Variants in MYH6 observed in about 807,000 individuals in gnomAD.
MYH6 encodes the protein myosin-6.
MYH6 carries 126 observed loss-of-function variants against 223.2 expected under a neutral mutation model. The ratio of observed to expected loss-of-function variants is 0.56; its 90% CI spans 0.49 to 0.65. MYH6 has a LOEUF of 0.65. Ranked by LOEUF, MYH6 falls within the 30% of genes least tolerant of loss-of-function variation. The pLI, the probability that MYH6 is intolerant of heterozygous loss-of-function variation, is 0.00. For missense variants in MYH6, 2,040 were observed against 2,536.4 expected (o/e 0.80, Z 4.20); for synonymous variants, 978 against 1,010.2 (o/e 0.97, Z 0.61).
intron 34 of MYH6, 99 bp from the exon 35 acceptor site, chr14:23,385,140 T>C: frequency 6.6e-7 from 1 of 1,524,560 alleles, no homozygotes; most frequent in Non-Finnish European, 9.0e-7. Flanking sequence ...TCATTTTTTT[T>C]TTAAAACAAC....
Position 23,396,415 on chromosome 14 carries a change from G to C in MYH6, c.2298C>G (p.Phe766Leu), listed in dbSNP as rs1891396940. ...GCAGCCCAAGCAGCCCTGCCTTGAA[G>C]AACACCTGCAGGCAAGGGGTAGATG... ...NQYKFGHTKV[F>L]FKAGLLGLLE... Residue 766 changes from phenylalanine to leucine, a missense_variant, in exon 20 of 39, where the codon TTC (phenylalanine) becomes TTG (leucine). This residue lies in a region of MYH6 where 649 missense variants were observed against 877.3 expected (regional missense o/e 0.74). Transcript: ENST00000405093. 1 of 1,613,686 alleles carries C rather than the reference G, an allele frequency of 6.2e-7. No homozygotes were observed. Among genetic ancestry groups the C allele is most frequent in the Non-Finnish European group, 8.5e-7 (1 of 1,180,038 alleles).
At position 23,390,438 on chromosome 14, in the gene MYH6, G is replaced by A. The variant is rs758421298; in HGVS notation, c.3351C>T (p.Ile1117=). The A allele has an allele frequency of 1.1e-5, 18 of 1,612,546 alleles. No homozygotes were observed. The East Asian group carries it at 3.1e-4, about 28-fold the overall frequency. Residue 1117 remains isoleucine (I), a synonymous_variant, in exon 26 of 39, where the codon ATC becomes ATT. Coordinates refer to ENST00000405093, the MANE Select transcript of MYH6 (RefSeq NM_002471.4). ...CCTCCAGCTCCTCCTCCAGCTCCTC[G>A]ATGCGTGCCTGGGTCAGACACAAAG... is the stretch of plus-strand genomic sequence containing the variant. ...QKKLKENQAR[I]EELEEELEAE...
Position 23,405,064 on chromosome 14 carries a change from C to A in MYH6, c.530+36G>T, listed in dbSNP as rs773357209. On this transcript the variant is annotated intron_variant, in intron 6 of 38. Coordinates refer to ENST00000405093, the MANE Select transcript of MYH6 (RefSeq NM_002471.4). The surrounding 1 kb of genome is among the most constrained non-coding windows in gnomAD (Gnocchi z 4.7). ...TAGGCATCAGCGTGTATGCCCCCAGCCCAGTCCCTTCTGTGGGAGGATGGC... is the reference window on the plus strand; with the variant it reads ...TAGGCATCAGCGTGTATGCCCCCAGACCAGTCCCTTCTGTGGGAGGATGGC... 3.0e-5 allele frequency: 48 copies of A among 1,613,874 alleles called. No individual in the cohort carries two copies. Among genetic ancestry groups the A allele is most frequent in the Non-Finnish European group, 4.1e-5 (48 of 1,179,960 alleles).
In MYH6 at chr14:23,394,335, A is replaced by G. The variant is rs1455744389; in HGVS notation, c.2430-12T>C. 1 of 1,614,150 alleles carries G rather than the reference A, an allele frequency of 6.2e-7. No homozygotes were observed. The highest frequency in any genetic ancestry group is 8.5e-7 in the Non-Finnish European group (1 of 1,180,028). ...CCAGCAGGGCATCCCTGGCAAGGAA[A>G]CGTGGAGGCAGGGTGGGGCACTATA... On this transcript the variant is annotated splice_polypyrimidine_tract_variant and intron_variant, in intron 20 of 38. Transcript: ENST00000405093.
intron 15 of MYH6, among the ~76,000 whole-genome samples, chr14:23,397,943 CTTCT>C (rs1891459494): frequency 1.7e-5 from 1 of 57,996 alleles, no homozygotes; most frequent in Non-Finnish European, 3.4e-5. Context: ...TCTTCTTCTT[CTTCT>C]TCTTCTTCTT....
At position 23,397,734 on chromosome 14, in the gene MYH6, T is replaced by G. The variant is rs1891441919; in HGVS notation, c.1892-121A>C. 4 of 1,034,582 alleles carry G rather than the reference T, an allele frequency of 3.9e-6. No individual in the cohort carries two copies. In the African/African-American group the frequency reaches 6.3e-5, roughly 16 times the overall value. The allele number at this position is 1,034,582 out of a possible 1,614,324, so 64.1% of individuals were successfully genotyped here. ...ACTTTGGGCAAGGAATTCTCCAAGA[T>G]TCAGTTTACCATGAGGATGACAGTA... On this transcript the variant is annotated intron_variant, in intron 15 of 38. Transcript: ENST00000405093.
chr14:23,397,282 T>C (rs1376495336), intron 16 of MYH6, 25 bp from the exon 17 acceptor site: 2 of 1,606,596 alleles, frequency 1.2e-6, no homozygotes, highest in South Asian at 2.2e-5. Context: ...AGGTGGGGAG[T>C]TAGGAGCCAC....
chr14:23,403,735 G>A lies in MYH6; in HGVS notation c.779C>T (p.Ala260Val), dbSNP rs1470827277. ...RIHFGATGKL[A>V]SADIETYLLE... is the part of the protein sequence containing the mutation. Reference sequence around the variant, plus strand: ...CTCACAGGTCTCTATGTCTGCAGAAGCCAGCTTTCCAGTGGCCCCAAAGTG... The same window carrying A: ...CTCACAGGTCTCTATGTCTGCAGAAACCAGCTTTCCAGTGGCCCCAAAGTG... The change falls in exon 9 of 39, where the codon GCT becomes GTT. Residue 260 changes from alanine (A) to valine (V), a missense_variant. Ala to Val is a moderately conservative substitution (Grantham distance 64). Coordinates refer to ENST00000405093, the MANE Select transcript of MYH6 (RefSeq NM_002471.4). The A allele has an allele frequency of 5.0e-6, 8 of 1,613,042 alleles. No homozygotes were observed. Among genetic ancestry groups the A allele is most frequent in the Non-Finnish European group, 6.8e-6 (8 of 1,179,538 alleles).
intron 14 of MYH6, chr14:23,399,775 C>T: frequency 4.5e-6 from 1 of 221,502 alleles, no homozygotes; most frequent in Non-Finnish European, 9.0e-6. Context: ...GGGCTCTGGC[C>T]TATGCTGACA....
At chr14:23,389,925 G>T (rs548942498) in intron 26 of MYH6, 132 bp downstream of exon 26, 1 of 1,567,040 alleles carries the variant, frequency 6.4e-7, no homozygotes, top group South Asian at 1.1e-5. Context: ...AGGGGCAGGG[G>T]AGACAGGAAG....
rs529427223 is a variant in MYH6, at chr14:23,405,727, G to A, written c.245C>T (p.Pro82Leu). The A allele has an allele frequency of 3.8e-5, 62 of 1,614,132 alleles. 1 individual carries two copies. In the South Asian group the frequency reaches 5.4e-4, roughly 14 times the overall value. Residue 82 changes from proline (P) to leucine (L), a missense_variant, in exon 4 of 39, where the codon CCC becomes CTC. Pro to Leu is a moderately conservative substitution (Grantham distance 98). Around this residue, in one of 4 missense-constraint regions of MYH6, gnomAD observed 184 missense variants for 232.4 expected, o/e 0.79. Transcript: ENST00000405093. The surrounding 1 kb of genome is among the most constrained non-coding windows in gnomAD (Gnocchi z 4.7). Reference protein sequence around the residue: ...KEDQVLQQNPPKFDKIEDMAM... With the variant: ...KEDQVLQQNPLKFDKIEDMAM... ...CATGTCCTCAATCTTGTCGAACTTG[G>A]GTGGGTTCTGCTGCAACACCTGGTC... is the stretch of plus-strand genomic sequence containing the variant.
intron 20 of MYH6, among the ~76,000 whole-genome samples, chr14:23,395,770 C>G (rs1294536182): frequency 3.3e-5 from 5 of 152,078 alleles, no homozygotes; most frequent in African/African-American, 1.2e-4. Flanking sequence ...CCTCGTGATC[C>G]ACCCGCCTCG....
rs142556730 is a variant in MYH6, at chr14:23,388,207, C to T, written c.4307G>A (p.Arg1436His). The T allele has an allele frequency of 6.2e-5, 100 of 1,612,420 alleles. No individual in the cohort carries two copies. The highest frequency in any genetic ancestry group is 1.8e-4 in the East Asian group (8 of 44,874). ...CAGGGCTGCAGCAGCAGCATTGGAG[C>T]GCTCTACGTCCACCATCAAGTCCTC... is the stretch of plus-strand genomic sequence containing the variant. ...EIEDLMVDVE[R>H]SNAAAAALDK... The change falls in exon 30 of 39, where the codon CGC becomes CAC. Residue 1436 changes from arginine (R) to histidine (H), a missense_variant. Physicochemically the swap from Arg to His is conservative, Grantham distance 29. This residue lies in a region of MYH6 where 1,203 missense variants were observed against 1,400.2 expected (regional missense o/e 0.86). Transcript: ENST00000405093.
chr14:23,384,189 TAAAAAAAA>T (rs34577405), intron 36 of MYH6, among the ~76,000 whole-genome samples: 1 of 140,950 alleles, frequency 7.1e-6, no homozygotes, highest in African/African-American at 2.6e-5. Context: ...TTAGAGTTAT[TAAAAAAAA>T]AAAAAAAGAA....
chr14:23,388,744 C>T (rs747002892), intron 29 of MYH6, 115 bp downstream of exon 29: 341 of 1,475,000 alleles, frequency 2.3e-4, no homozygotes, highest in African/African-American at 8.2e-4. Flanking sequence ...TGTTGCCCTC[C>T]GAGTTCCTCC....
At position 23,389,373 on chromosome 14, in the gene MYH6, C is replaced by T. The variant is rs1190436109; in HGVS notation, c.3978+20G>A. ...CCAGGGCTGCCATCAAGCCTGCCCA[C>T]CCTCCCCACTGGGCCTCACCTTGCC... On this transcript the variant is annotated intron_variant, in intron 28 of 38. Coordinates refer to ENST00000405093, the MANE Select transcript of MYH6 (RefSeq NM_002471.4). 4 of 1,612,160 alleles carry T rather than the reference C, an allele frequency of 2.5e-6. No homozygotes were observed. The highest frequency in any genetic ancestry group is 2.2e-5 in the South Asian group (2 of 91,028).
Position 23,407,703 on chromosome 14 carries a change from G to A in MYH6, c.-46-95C>T, listed in dbSNP as rs903676749. 38 of 922,826 alleles carry A rather than the reference G, an allele frequency of 4.1e-5. No individual in the cohort carries two copies. In the Admixed American group the frequency reaches 1.0e-3, roughly 24 times the overall value. The allele number at this position is 922,826 out of a possible 1,614,324, so 57.2% of individuals were successfully genotyped here. ...GAAGAACAACAGAGGCAGGCCACCCGGGGATGGAGGCAGCCCCAGAGCGCA... is the reference window on the plus strand; with the variant it reads ...GAAGAACAACAGAGGCAGGCCACCCAGGGATGGAGGCAGCCCCAGAGCGCA... On this transcript the variant is annotated intron_variant, in intron 1 of 38. Coordinates refer to ENST00000405093, the MANE Select transcript of MYH6 (RefSeq NM_002471.4). The surrounding 1 kb of genome is among the most constrained non-coding windows in gnomAD (Gnocchi z 5.6).
chr14:23,403,557 G>T, intron 9 of MYH6, 111 bp from the exon 10 acceptor site: 1 of 1,173,562 alleles, frequency 8.5e-7, no homozygotes. Flanking sequence ...GATGAAGAGG[G>T]CCAGGCGAGA....
chr14:23,396,560 A>G (rs1891401797), intron 19 of MYH6, 134 bp downstream of exon 19: 2 of 1,581,394 alleles, frequency 1.3e-6, no homozygotes, highest in African/African-American at 1.3e-5. Context: ...ACAAGACCGG[A>G]ATGAAGCCTG....
Sources: allele counts gnomAD v4.1 joint callset (sites outside exome capture counted in the v4.1 genomes callset), GRCh38; gene constraint gnomAD v4.1.1; regional missense constraint gnomAD v4.1.1; non-coding constraint Gnocchi (gnomAD v3.1); transcripts MANE v1.5; gene names NCBI Gene and HGNC (gene_info 2026-07-23, HGNC 2026-07-21).